ERCC6L2: variants seen among roughly 807,000 people sequenced by gnomAD.
ERCC6L2 encodes ERCC excision repair 6 like 2.
In ERCC6L2, 77 loss-of-function variants were observed where a neutral mutation model predicts 132.0. The ratio of observed to expected loss-of-function variants is 0.58; its 90% CI spans 0.49 to 0.71. The LOEUF (loss-of-function observed/expected upper bound fraction) is 0.71. Among genes scored for constraint, ERCC6L2 ranks in the 30% least tolerant of loss-of-function variants. The pLI is 0.00. For missense variants in ERCC6L2, 1,542 were observed against 1,837.6 expected (o/e 0.84, Z 2.94); for synonymous variants, 583 against 632.4 (o/e 0.92, Z 1.17).
At chr9:95,896,876 T>TG (rs1243421791) in intron 2 of ERCC6L2, among the ~76,000 whole-genome samples, 1 of 152,218 alleles carries the variant, frequency 6.6e-6, no homozygotes, top group African/African-American at 2.4e-5. Context: ...AAGAAGATCT[T>TG]GAATCTGTGG....
At chr9:95,964,279 A>G (rs1832050702) in intron 13 of ERCC6L2, among the ~76,000 whole-genome samples, 1 of 152,062 alleles carries the variant, frequency 6.6e-6, no homozygotes, top group Admixed American at 6.6e-5. Flanking sequence ...TATTTATTTG[A>G]TGTTCACATT....
chr9:95,911,656 G>T (rs188383288), intron 4 of ERCC6L2, among the ~76,000 whole-genome samples: 118 of 152,206 alleles, frequency 7.8e-4, no homozygotes, highest in Non-Finnish European at 9.0e-4. Context: ...TGAGGATAGT[G>T]CTCTGTGCAT....
intron 2 of ERCC6L2, among the ~76,000 whole-genome samples, chr9:95,896,494 C>G (rs538011988): frequency 6.6e-6 from 1 of 150,934 alleles, no homozygotes; most frequent in Non-Finnish European, 1.5e-5. Context: ...CAGTCACGGC[C>G]CACTGCAGCC....
At chr9:95,907,337 A>ATTT in intron 4 of ERCC6L2, 66 bp downstream of exon 4, 146 of 558,026 alleles carry the variant, frequency 2.6e-4, no homozygotes, top group Middle Eastern at 5.8e-4. Flanking sequence ...TTATATTAAG[A>ATTT]GTTTTTTTTT....
At chr9:96,034,168 G>A (rs939776097) in intron 19 of ERCC6L2, among the ~76,000 whole-genome samples, 3 of 152,236 alleles carry the variant, frequency 2.0e-5, no homozygotes, top group South Asian at 2.1e-4. Flanking sequence ...AGTGCTGCAC[G>A]CAGTCAGGGT....
At chr9:95,929,870 A>G (rs752411295) in intron 11 of ERCC6L2, among the ~76,000 whole-genome samples, 21 of 152,148 alleles carry the variant, frequency 1.4e-4, no homozygotes, top group Admixed American at 5.2e-4. Context: ...TTCCAATAAT[A>G]GACTCTATAA....
Position 96,012,869 on chromosome 9 carries a change from G to A in ERCC6L2, c.4319G>A (p.Gly1440Asp). ...LENTSVISLLGDTSILDDLFK... is the reference protein window; with the variant it reads ...LENTSVISLLDDTSILDDLFK... Reference sequence around the variant, plus strand: ...AATACTTCTGTGATAAGCTTACTTGGTGATACCTCTATTCTTGATGACCTT... The same window carrying A: ...AATACTTCTGTGATAAGCTTACTTGATGATACCTCTATTCTTGATGACCTT... The change falls in exon 19 of 19, where the codon GGT becomes GAT. Residue 1440 changes from glycine to aspartate, a missense_variant. By Grantham distance (94) the Gly-to-Asp change is moderately conservative. Around this residue, in one of 4 missense-constraint regions of ERCC6L2, gnomAD observed 442 missense variants for 583.4 expected, o/e 0.76. Transcript: ENST00000653738. The A allele has an allele frequency of 7.3e-7, 1 of 1,367,496 alleles. No individual in the cohort carries two copies. Among genetic ancestry groups the A allele is most frequent in the East Asian group, 4.5e-5 (1 of 22,006 alleles). The allele number at this position is 1,367,496 out of a possible 1,614,324, so 84.7% of individuals were successfully genotyped here. A position where few individuals can be genotyped will look rare whatever the true frequency, so the allele number is the denominator to read the frequency against.
At chr9:95,956,443 A>AT (rs1427874634) in intron 13 of ERCC6L2, among the ~76,000 whole-genome samples, 2 of 152,200 alleles carry the variant, frequency 1.3e-5, no homozygotes, top group Non-Finnish European at 2.9e-5. Context: ...GTGCACTGAT[A>AT]TGTTGGTCCC....
chr9:96,031,388 A>G (rs1297881406), intron 19 of ERCC6L2, among the ~76,000 whole-genome samples: 2 of 152,190 alleles, frequency 1.3e-5, no homozygotes, highest in African/African-American at 2.4e-5. Context: ...TGTTCCTTGT[A>G]TACCAAGGGC....
chr9:95,913,198 T>A (rs1384685347), intron 4 of ERCC6L2, among the ~76,000 whole-genome samples: 1 of 152,232 alleles, frequency 6.6e-6, no homozygotes, highest in African/African-American at 2.4e-5. Flanking sequence ...TCTGAATCAG[T>A]TACTTTATTA....
intron 17 of ERCC6L2, among the ~76,000 whole-genome samples, chr9:95,987,018 C>T (rs1355011738): frequency 1.3e-5 from 2 of 152,190 alleles, no homozygotes; most frequent in Admixed American, 6.5e-5. Flanking sequence ...CCTTATTAAA[C>T]CATCACATCT....
At chr9:95,901,203 T>C (rs1828758464) in intron 3 of ERCC6L2, among the ~76,000 whole-genome samples, 1 of 152,194 alleles carries the variant, frequency 6.6e-6, no homozygotes, top group Non-Finnish European at 1.5e-5. Context: ...ACAAAACATC[T>C]TCTGTCACTC....
At chr9:96,004,370 C>A in intron 17 of ERCC6L2, 150 bp from the exon 18 acceptor site, 1 of 385,988 alleles carries the variant, frequency 2.6e-6, no homozygotes, top group Non-Finnish European at 4.9e-6. Context: ...TCTTAAAGAC[C>A]TAGGTTAATA....
At chr9:96,005,525 GA>G (rs1362600675) in intron 18 of ERCC6L2, among the ~76,000 whole-genome samples, 1 of 151,974 alleles carries the variant, frequency 6.6e-6, no homozygotes, top group Non-Finnish European at 1.5e-5. Context: ...TTTAAGTTAA[GA>G]GCTGAAGGAT....
chr9:96,003,860 A>G (rs1018760520), intron 17 of ERCC6L2, among the ~76,000 whole-genome samples: 1 of 152,218 alleles, frequency 6.6e-6, no homozygotes, highest in African/African-American at 2.4e-5. Flanking sequence ...CTACCTATTC[A>G]TACTGTATCA....
chr9:95,922,171 A>G, intron 7 of ERCC6L2, 134 bp from the exon 8 acceptor site: 1 of 531,248 alleles, frequency 1.9e-6, no homozygotes. Flanking sequence ...GCAATAGTTG[A>G]CCATCATTTT....
chr9:95,899,895 G>C (rs536393561), intron 3 of ERCC6L2, among the ~76,000 whole-genome samples: 1 of 152,108 alleles, frequency 6.6e-6, no homozygotes, highest in Non-Finnish European at 1.5e-5. Context: ...CAAGGTCTGC[G>C]TACATGTTTA....
intron 11 of ERCC6L2, among the ~76,000 whole-genome samples, chr9:95,940,083 A>G (rs1830729592): frequency 6.6e-6 from 1 of 152,184 alleles, no homozygotes; most frequent in African/African-American, 2.4e-5. Context: ...CATTGGGAAG[A>G]AAACGAAAGC....
chr9:96,040,632 C>T (rs139794293), intron 20 of ERCC6L2, among the ~76,000 whole-genome samples: 86 of 152,320 alleles, frequency 5.6e-4, no homozygotes, highest in African/African-American at 2.0e-3. Context: ...AATGGTGACT[C>T]CTGGGTGGTC....
Sources: gnomAD v4.1 joint callset for allele counts (sites outside exome capture counted in the v4.1 genomes callset) on GRCh38, gnomAD v4.1.1 for gene constraint, gnomAD v4.1.1 regional missense constraint, MANE v1.5 for transcripts, NCBI Gene and HGNC (gene_info 2026-07-23, HGNC 2026-07-21) for gene names.